The following SGCZ variants were observed in gnomAD, a reference collection of about 807,000 sequenced individuals.
SGCZ encodes the protein sarcoglycan zeta, also known as zeta-sarcoglycan.
Under a neutral mutation model 41.3 loss-of-function variants are expected in SGCZ, and 40 were observed. That is an observed-to-expected ratio of 0.97 (90% confidence interval 0.75 to 1.26). The LOEUF is 1.26. SGCZ is among the 50% of genes most tolerant of loss of function. The pLI is 0.00. For missense variants in SGCZ, 552 were observed against 369.8 expected (o/e 1.49, Z -4.04); for synonymous variants, 206 against 137.5 (o/e 1.50, Z -3.49).
intron 1 of SGCZ, among the ~76,000 whole-genome samples, chr8:14,683,853 G>T (rs1465107498): frequency 2.0e-5 from 3 of 152,068 alleles, no homozygotes; most frequent in Non-Finnish European, 2.9e-5. Context: ...TCTGGAACTA[G>T]AAGTTATATC....
chr8:15,034,961 A>AT (rs1803821061), intron 1 of SGCZ, among the ~76,000 whole-genome samples: 1 of 152,144 alleles, frequency 6.6e-6, no homozygotes, highest in African/African-American at 2.4e-5. Flanking sequence ...CCTATTGGGA[A>AT]TTTTTTTAAG....
At chr8:15,195,464 C>T (rs139860519) in intron 1 of SGCZ, among the ~76,000 whole-genome samples, 31 of 152,238 alleles carry the variant, frequency 2.0e-4, no homozygotes, top group African/African-American at 7.0e-4. Context: ...ATTTTCATGC[C>T]CATCTCTCAG....
intron 5 of SGCZ, among the ~76,000 whole-genome samples, chr8:14,129,035 C>T (rs1263035709): frequency 6.6e-6 from 1 of 151,946 alleles, no homozygotes; most frequent in Non-Finnish European, 1.5e-5. Context: ...CACCAATATG[C>T]AACACAGTCA....
At chr8:14,192,545 A>G (rs1805137604) in intron 4 of SGCZ, among the ~76,000 whole-genome samples, 1 of 151,970 alleles carries the variant, frequency 6.6e-6, no homozygotes, top group Admixed American at 6.5e-5. Flanking sequence ...ATTGCATATG[A>G]TATTTGAGTT....
At chr8:14,620,527 T>C (rs574371849) in intron 1 of SGCZ, among the ~76,000 whole-genome samples, 45 of 152,228 alleles carry the variant, frequency 3.0e-4, no homozygotes, top group Admixed American at 1.5e-3. Context: ...AGAAAATTTT[T>C]GCAACCTACT....
At chr8:15,202,432 A>C (rs1313413360) in intron 1 of SGCZ, among the ~76,000 whole-genome samples, 2 of 152,228 alleles carry the variant, frequency 1.3e-5, no homozygotes, top group Non-Finnish European at 2.9e-5. Context: ...TCTCACACAT[A>C]AGTGAGAGCT....
At chr8:14,433,594 C>A (rs1378073693) in intron 2 of SGCZ, among the ~76,000 whole-genome samples, 1 of 152,070 alleles carries the variant, frequency 6.6e-6, no homozygotes, top group Non-Finnish European at 1.5e-5. Context: ...TCCATCATTG[C>A]ATCTAATTTC....
At chr8:14,926,874 C>T (rs1799770656) in intron 1 of SGCZ, among the ~76,000 whole-genome samples, 1 of 151,968 alleles carries the variant, frequency 6.6e-6, no homozygotes, top group Admixed American at 6.6e-5. Context: ...CTCCTGACCT[C>T]GTGATCCACC....
At chr8:14,982,328 G>T (rs550486577) in intron 1 of SGCZ, among the ~76,000 whole-genome samples, 2 of 152,292 alleles carry the variant, frequency 1.3e-5, no homozygotes, top group East Asian at 3.9e-4. Context: ...GGCCAAGCCA[G>T]ATTTCAATAC....
In SGCZ at chr8:15,092,742, C is replaced by G. The variant is rs187083515; in HGVS notation, c.39+144843G>C. 3.0e-4 allele frequency among the ~76,000 whole-genome samples: 45 copies of G among 152,204 alleles called. No homozygotes were observed. The East Asian group carries it at 8.5e-3, about 29-fold the overall frequency. ...ATATTTCACAATCTTATTTTAATAT[C>G]TCTCTATTACACATTGATCAAACCC... On this transcript the variant is annotated intron_variant, in intron 1 of 7. Transcript: ENST00000382080.
intron 1 of SGCZ, among the ~76,000 whole-genome samples, chr8:14,887,581 T>C (rs186326981): frequency 1.7e-3 from 254 of 152,264 alleles, no homozygotes; most frequent in Non-Finnish European, 2.2e-3. Flanking sequence ...TACATAGCTA[T>C]ACATATACAT....
intron 2 of SGCZ, among the ~76,000 whole-genome samples, chr8:14,547,078 T>C (rs544014003): frequency 2.0e-5 from 3 of 152,254 alleles, no homozygotes; most frequent in Admixed American, 1.3e-4. Context: ...TTTCCTCTCA[T>C]ATTTAAATGG....
At chr8:15,062,672 A>C (rs2131013449) in intron 1 of SGCZ, among the ~76,000 whole-genome samples, 1 of 152,344 alleles carries the variant, frequency 6.6e-6, no homozygotes, top group Middle Eastern at 3.4e-3. Context: ...TGATTTTAAA[A>C]GAGGAGCATC....
rs527703883 is a variant in SGCZ at position 14,691,728 on chromosome 8, A to G, written c.40-136802T>C. ...TCAGATTTAAACATCGTTCTTCATA[A>G]TCATGTGTCCAAATACAGAATAATA... On this transcript the variant is annotated intron_variant, in intron 1 of 7. Transcript: ENST00000382080. 5.9e-5 allele frequency among the ~76,000 whole-genome samples: 9 copies of G among 152,196 alleles called. No homozygotes were observed. In the East Asian group the frequency reaches 1.5e-3, roughly 26 times the overall value.
At chr8:14,391,668 G>A (rs980063258) in intron 2 of SGCZ, among the ~76,000 whole-genome samples, 1 of 152,052 alleles carries the variant, frequency 6.6e-6, no homozygotes, top group Admixed American at 6.6e-5. Flanking sequence ...TTATGTGATC[G>A]CTTGGATTTA....
At chr8:14,990,539 G>T (rs761038347) in intron 1 of SGCZ, among the ~76,000 whole-genome samples, 4 of 151,996 alleles carry the variant, frequency 2.6e-5, no homozygotes, top group Non-Finnish European at 4.4e-5. Context: ...GATCTAGGTT[G>T]CATGCTCCTT....
At chr8:14,534,227 G>C (rs1032670823) in intron 2 of SGCZ, among the ~76,000 whole-genome samples, 2 of 151,928 alleles carry the variant, frequency 1.3e-5, no homozygotes, top group Non-Finnish European at 2.9e-5. Flanking sequence ...AAGGAGAAGA[G>C]AAGAGCTGGC....
chr8:14,578,578 A>T (rs1304828589), intron 1 of SGCZ, among the ~76,000 whole-genome samples: 1 of 152,228 alleles, frequency 6.6e-6, no homozygotes, highest in African/African-American at 2.4e-5. Flanking sequence ...AGTGAATATA[A>T]TTTAATTAGA....
At chr8:14,226,869 G>C (rs7815140) in intron 4 of SGCZ, among the ~76,000 whole-genome samples, 90,738 of 151,856 alleles carry the variant, frequency 0.6, 27,442 homozygotes, top group East Asian at 0.76. Context: ...ACACAGTATT[G>C]TCTGCATCTT....
Sources: gnomAD v4.1 joint callset for allele counts (sites outside exome capture counted in the v4.1 genomes callset) on GRCh38, gnomAD v4.1.1 for gene constraint, MANE v1.5 for transcripts, NCBI Gene and HGNC (gene_info 2026-07-23, HGNC 2026-07-21) for gene names.